USP36: variants seen among roughly 807,000 people sequenced by gnomAD.
USP36 encodes the protein ubiquitin specific peptidase 36.
Under a neutral mutation model 111.5 loss-of-function variants are expected in USP36, and 59 were observed. That is an observed-to-expected ratio of 0.53 (90% CI 0.43 to 0.66). USP36 has a LOEUF of 0.66. USP36 is among the 30% of genes least tolerant of loss of function. The probability of loss-of-function intolerance (pLI) is 0.00; values close to 1 mark genes in which losing one functional copy is unlikely to be tolerated. For missense variants in USP36, 1,488 were observed against 1,468.0 expected, an observed-to-expected ratio of 1.01 and a Z score of -0.22; for synonymous variants, 628 against 581.0, an observed-to-expected ratio of 1.08 and a Z score of -1.16.
chr17:78,829,122 A>G, intron 4 of USP36, 115 bp from the exon 5 acceptor site: 1 of 792,518 alleles, frequency 1.3e-6, no homozygotes, highest in Non-Finnish European at 2.0e-6. Flanking sequence ...AGAGCAAACC[A>G]GGCTGTGAGA....
chr17:78,798,318 G>A lies in USP36; in HGVS notation c.*20+82C>T, dbSNP rs754689017. 23 of 1,537,714 alleles carry A rather than the reference G, an allele frequency of 1.5e-5. No homozygotes were observed. Among genetic ancestry groups the A allele is most frequent in the Admixed American group, 5.5e-5 (3 of 54,516 alleles). On this transcript the variant is annotated intron_variant, in intron 20 of 20. Coordinates refer to ENST00000449938, the MANE Select transcript of USP36 (RefSeq NM_001385174.1). The surrounding 1 kb of genome is among the most constrained non-coding windows in gnomAD (Gnocchi z 5.1). ...CAGCCCACATACATCATACACACAC[G>A]CCACACCCCACCACACCCCTACACA... is the stretch of plus-strand genomic sequence containing the variant.
At chr17:78,824,749 T>A (rs564959822) in intron 6 of USP36, among the ~76,000 whole-genome samples, 1 of 152,320 alleles carries the variant, frequency 6.6e-6, no homozygotes, top group East Asian at 1.9e-4. Context: ...TTAACCTGCC[T>A]ATTAAAAGAT....
intron 12 of USP36, 52 bp downstream of exon 12, chr17:78,813,721 A>T: frequency 6.5e-7 from 1 of 1,539,100 alleles, no homozygotes; most frequent in Non-Finnish European, 8.9e-7. Context: ...CCACCGGTAT[A>T]AGAAAAGAGC....
intron 17 of USP36, among the ~76,000 whole-genome samples, chr17:78,801,078 A>G (rs945892293): frequency 1.4e-5 from 2 of 147,174 alleles, no homozygotes; most frequent in African/African-American, 5.1e-5. Flanking sequence ...CTGGGTTCAC[A>G]CCATTCTCCT....
intron 14 of USP36, 58 bp downstream of exon 14, chr17:78,806,901 C>T: frequency 1.3e-6 from 2 of 1,579,726 alleles, no homozygotes; most frequent in Non-Finnish European, 1.7e-6. Flanking sequence ...AAACCACAAC[C>T]AAGCAACTCT....
rs2093678305 is a variant in USP36, at chr17:78,798,992, G to A, written c.3156C>T (p.Val1052=). 6.2e-7 allele frequency: 1 copy of A among 1,614,126 alleles called. No homozygotes were observed. The highest frequency in any genetic ancestry group is 1.1e-5 in the South Asian group (1 of 91,082). Reference sequence around the variant, plus strand: ...TGCTGTCTTCAATAGCATCCTGACTGACCGCCGACATCTTGCCATCCCAGG... The same window carrying A: ...TGCTGTCTTCAATAGCATCCTGACTAACCGCCGACATCTTGCCATCCCAGG... ...VLTWDGKMSA[V]SQDAIEDSRQ... Residue 1052 remains valine, a synonymous_variant, in exon 19 of 21, where the codon GTC becomes GTT. Coordinates refer to ENST00000449938, the MANE Select transcript of USP36 (RefSeq NM_001385174.1). This position sits in a 1 kb window ranked among gnomAD's most constrained non-coding sequence, Gnocchi z 5.1.
rs879718908 is a variant in USP36 at position 78,821,952 on chromosome 17, A to G, written c.742T>C (p.Tyr248His). 12 of 1,614,108 alleles carry G rather than the reference A, an allele frequency of 7.4e-6. No individual in the cohort carries two copies. The highest frequency in any genetic ancestry group is 1.0e-5 in the Non-Finnish European group (12 of 1,180,008). ...TTLVHQIFGGYLRSRVKCSVC... is the reference protein window; with the variant it reads ...TTLVHQIFGGHLRSRVKCSVC... ...CTCCACTTACCGCGTGATCTGAGAT[A>G]CCCTCCAAAAATTTGATGGACCAAG... The change falls in exon 7 of 21, where the codon TAT (tyrosine) becomes CAT (histidine). Residue 248 changes from tyrosine (Y) to histidine (H), a missense_variant. By Grantham distance (83) the Tyr-to-His change is moderately conservative. Around this residue, in one of 3 missense-constraint regions of USP36, gnomAD observed 196 missense variants for 264.4 expected, o/e 0.74. Coordinates refer to ENST00000449938, the MANE Select transcript of USP36 (RefSeq NM_001385174.1).
rs759688944 is a variant in USP36, at chr17:78,798,979, T to C, written c.3169A>G (p.Ile1057Val). 2.7e-5 allele frequency: 43 copies of C among 1,614,042 alleles called. No homozygotes were observed. The highest frequency in any genetic ancestry group is 1.6e-4 in the Middle Eastern group (1 of 6,084). ...GTCCGGGCCTGTCTGCTGTCTTCAATAGCATCCTGACTGACCGCCGACATC... is the reference window on the plus strand; with the variant it reads ...GTCCGGGCCTGTCTGCTGTCTTCAACAGCATCCTGACTGACCGCCGACATC... ...GKMSAVSQDA[I>V]EDSRQARTET... The change falls in exon 19 of 21, where the codon ATT becomes GTT. Residue 1057 changes from isoleucine (I) to valine (V), a missense_variant. By Grantham distance (29) the Ile-to-Val change is conservative. Around this residue, in one of 3 missense-constraint regions of USP36, gnomAD observed 1,073 missense variants for 994.1 expected, o/e 1.08. Coordinates refer to ENST00000449938, the MANE Select transcript of USP36 (RefSeq NM_001385174.1). The surrounding 1 kb of genome is among the most constrained non-coding windows in gnomAD (Gnocchi z 5.1).
intron 4 of USP36, among the ~76,000 whole-genome samples, chr17:78,833,440 C>T (rs958679705): frequency 2.6e-5 from 4 of 152,046 alleles, no homozygotes; most frequent in African/African-American, 7.2e-5. Flanking sequence ...AGCCACCGTG[C>T]CCAGCCAGTA....
rs1425656675 is a variant in USP36, at chr17:78,803,334, G to A, written c.2810+51C>T. On this transcript the variant is annotated intron_variant, in intron 16 of 20. Transcript: ENST00000449938. The surrounding 1 kb of genome is among the most constrained non-coding windows in gnomAD (Gnocchi z 4.6). ...ACTTGGGGGTAGATTCTGTGGTTTT[G>A]CTTTGTTTCTCGTCAGAGGTAGACA... 2 of 1,557,616 alleles carry A rather than the reference G, an allele frequency of 1.3e-6. No homozygotes were observed. The highest frequency in any genetic ancestry group is 8.7e-7 in the Non-Finnish European group (1 of 1,142,976).
chr17:78,789,049 T>C (rs1598945048), intron 3 of USP36, among the ~76,000 whole-genome samples: 2 of 151,610 alleles, frequency 1.3e-5, no homozygotes, highest in East Asian at 3.9e-4. Context: ...ATATGAAAAT[T>C]AGCCGGGCGT....
chr17:78,813,996 A>G, intron 11 of USP36, 123 bp from the exon 12 acceptor site: 1 of 779,528 alleles, frequency 1.3e-6, no homozygotes, highest in Admixed American at 2.6e-5. Context: ...TTAATAATCA[A>G]CAGGTAACAA....
intron 8 of USP36, 66 bp downstream of exon 8, chr17:78,820,925 G>T (rs147266244): frequency 1.3e-6 from 2 of 1,509,118 alleles, no homozygotes; most frequent in Non-Finnish European, 9.0e-7. Context: ...ACTGTTCTGC[G>T]GGTTCTGTTT....
At chr17:78,800,542 C>T (rs1252329569) in intron 17 of USP36, among the ~76,000 whole-genome samples, 1 of 152,252 alleles carries the variant, frequency 6.6e-6, no homozygotes, top group Non-Finnish European at 1.5e-5. Flanking sequence ...TCCCTGCCTC[C>T]AATTCCTCAG....
intron 10 of USP36, among the ~76,000 whole-genome samples, chr17:78,815,523 T>C (rs2094157546): frequency 6.6e-6 from 1 of 152,212 alleles, no homozygotes; most frequent in Admixed American, 6.5e-5. Flanking sequence ...ACTCATTTTC[T>C]TTCCCTCCAC....
In USP36 at chr17:78,807,278, G is replaced by C. The variant is rs2093932324; in HGVS notation, c.1766C>G (p.Ala589Gly). The change falls in exon 14 of 21, where the codon GCC (alanine) becomes GGC (glycine). Residue 589 changes from alanine (A) to glycine (G), a missense_variant. Coordinates refer to ENST00000449938, the MANE Select transcript of USP36 (RefSeq NM_001385174.1). ...CTTCAGCCCATGCCCGTTGGCAGTGGCTGTAGCCAGGAGCTTAGGTGAGGT... is the reference window on the plus strand; with the variant it reads ...CTTCAGCCCATGCCCGTTGGCAGTGCCTGTAGCCAGGAGCTTAGGTGAGGT... ...LSTSPKLLAT[A>G]TANGHGLKGN... The C allele has an allele frequency of 1.2e-6, 2 of 1,614,160 alleles. No homozygotes were observed. The highest frequency in any genetic ancestry group is 8.5e-7 in the Non-Finnish European group (1 of 1,180,018).
chr17:78,798,400 C>T lies in USP36; in HGVS notation c.*20G>A, dbSNP rs1243981824. The T allele has an allele frequency of 5.0e-6, 8 of 1,614,034 alleles. No individual in the cohort carries two copies. The highest frequency in any genetic ancestry group is 5.9e-6 in the Non-Finnish European group (7 of 1,180,022). ...TTACACCCACCCCCTCGGAACCGACCTCCTTCCACAGGGGCACAGTCAGCG... is the reference window on the plus strand; with the variant it reads ...TTACACCCACCCCCTCGGAACCGACTTCCTTCCACAGGGGCACAGTCAGCG... On this transcript the variant is annotated splice_region_variant and 3_prime_UTR_variant, in exon 20 of 21. Transcript: ENST00000449938. This position sits in a 1 kb window ranked among gnomAD's most constrained non-coding sequence, Gnocchi z 5.1.
intron 13 of USP36, among the ~76,000 whole-genome samples, chr17:78,812,411 C>A (rs1203095215): frequency 6.6e-6 from 1 of 151,982 alleles, no homozygotes; most frequent in African/African-American, 2.4e-5. Context: ...TAACATTGGC[C>A]GGGCGCGGTG....
intron 17 of USP36, 66 bp from the exon 18 acceptor site, chr17:78,799,834 A>C: frequency 8.8e-7 from 1 of 1,134,244 alleles, no homozygotes; most frequent in Non-Finnish European, 1.3e-6. Flanking sequence ...AAGCAATCGC[A>C]CACCTTAAAT....
Sources: gnomAD v4.1 joint callset for allele counts (sites outside exome capture counted in the v4.1 genomes callset) on GRCh38, gnomAD v4.1.1 for gene constraint, gnomAD v4.1.1 regional missense constraint, Gnocchi (gnomAD v3.1) non-coding constraint, MANE v1.5 for transcripts, NCBI Gene and HGNC (gene_info 2026-07-23, HGNC 2026-07-21) for gene names.